Variants in HTR1F observed in about 807,000 individuals in gnomAD.
The protein encoded by HTR1F is 5-hydroxytryptamine (serotonin) receptor 1F, G protein-coupled.
Under a neutral mutation model 24.0 loss-of-function variants are expected in HTR1F, and 17 were observed. That is an observed-to-expected ratio of 0.71 (90% CI 0.48 to 1.06). The LOEUF (loss-of-function observed/expected upper bound fraction) is 1.06, where lower values mean the gene tolerates loss of function less well. Ranked by LOEUF, HTR1F falls within the 50% of genes least tolerant of loss-of-function variation. The pLI is 0.00. For missense variants in HTR1F, 391 were observed against 427.8 expected, an observed-to-expected ratio of 0.91 and a Z score of 0.76; for synonymous variants, 186 against 156.8, an observed-to-expected ratio of 1.19 and a Z score of -1.39.
At chr3:87,798,632 C>A (rs1166907915) in intron 1 of HTR1F, among the ~76,000 whole-genome samples, 2 of 151,978 alleles carry the variant, frequency 1.3e-5, no homozygotes. Flanking sequence ...GTCACCAGCT[C>A]CTCCACTCCC....
intron 2 of HTR1F, among the ~76,000 whole-genome samples, chr3:87,825,574 A>G (rs552072968): frequency 3.2e-4 from 49 of 152,150 alleles, no homozygotes; most frequent in Non-Finnish European, 6.2e-4. Flanking sequence ...ATTGGTCACT[A>G]TATCTTCTCA....
At chr3:87,798,339 C>T (rs1487601553) in intron 1 of HTR1F, among the ~76,000 whole-genome samples, 5 of 152,206 alleles carry the variant, frequency 3.3e-5, no homozygotes, top group Non-Finnish European at 5.9e-5. Context: ...GTCAAGCTGA[C>T]CACCCTCTCT....
chr3:87,864,762 G>A lies in HTR1F; in HGVS notation c.-43+42638G>A, dbSNP rs1324065076. 2.6e-5 allele frequency among the ~76,000 whole-genome samples: 4 copies of A among 152,072 alleles called. No individual in the cohort carries two copies. The East Asian group carries it at 5.8e-4, about 22-fold the overall frequency. Reference sequence around the variant, plus strand: ...AATACAAAAATTAGCTGGTTGCGGTGGTGAGCACCTGTAATCCCCGCTACT... The same window carrying A: ...AATACAAAAATTAGCTGGTTGCGGTAGTGAGCACCTGTAATCCCCGCTACT... On this transcript the variant is annotated intron_variant, in intron 2 of 2. Coordinates refer to ENST00000319595, the MANE Select transcript of HTR1F (RefSeq NM_001322209.2).
At chr3:87,950,963 T>C (rs1176107965) in intron 2 of HTR1F, among the ~76,000 whole-genome samples, 2 of 152,150 alleles carry the variant, frequency 1.3e-5, no homozygotes, top group Admixed American at 6.5e-5. Context: ...GCATCTCCTC[T>C]CCTTCTGTCC....
At position 87,878,918 on chromosome 3, in the gene HTR1F, G is replaced by C. The variant is rs181448603; in HGVS notation, c.-43+56794G>C. On this transcript the variant is annotated intron_variant, in intron 2 of 2. Coordinates refer to ENST00000319595, the MANE Select transcript of HTR1F (RefSeq NM_001322209.2). ...TGTTCTGAAACACAGTAGGAAGTCTGTTATTCTTTTCATCTTTCAGCAGAA... is the reference window on the plus strand; with the variant it reads ...TGTTCTGAAACACAGTAGGAAGTCTCTTATTCTTTTCATCTTTCAGCAGAA... Among the ~76,000 whole-genome samples, 104 of 152,166 alleles carry C rather than the reference G, an allele frequency of 6.8e-4. 1 individual carries two copies. The highest frequency in any genetic ancestry group is 2.5e-4 in the Non-Finnish European group (17 of 67,994).
chr3:87,815,897 C>A (rs2107110261), intron 1 of HTR1F, among the ~76,000 whole-genome samples: 1 of 152,154 alleles, frequency 6.6e-6, no homozygotes, highest in South Asian at 2.1e-4. Context: ...GGGGCTTTTG[C>A]CTTTTCTGGT....
intron 2 of HTR1F, among the ~76,000 whole-genome samples, chr3:87,901,471 C>T (rs376461786): frequency 1.1e-4 from 16 of 152,160 alleles, no homozygotes; most frequent in African/African-American, 3.9e-4. Context: ...GGACTTCGAG[C>T]CTCCAGGAGT....
intron 2 of HTR1F, among the ~76,000 whole-genome samples, chr3:87,841,293 T>C (rs1368349907): frequency 2.0e-5 from 3 of 151,856 alleles, no homozygotes; most frequent in Non-Finnish European, 4.4e-5. Flanking sequence ...ATTTAATAAA[T>C]AAAAAATAGA....
At chr3:87,890,962 C>T (rs1280463853) in intron 2 of HTR1F, among the ~76,000 whole-genome samples, 1 of 151,910 alleles carries the variant, frequency 6.6e-6, no homozygotes, top group Non-Finnish European at 1.5e-5. Flanking sequence ...CCACCTCAGC[C>T]TCCCAAGTAG....
chr3:87,863,117 C>A, intron 2 of HTR1F, among the ~76,000 whole-genome samples: 1 of 152,030 alleles, frequency 6.6e-6, no homozygotes, highest in Middle Eastern at 3.2e-3. Context: ...TGCCTGGCCA[C>A]ATACTTACTT....
chr3:87,979,118 A>G (rs1211764528), intron 2 of HTR1F, among the ~76,000 whole-genome samples: 1 of 8,928 alleles, frequency 1.1e-4, no homozygotes. Context: ...GGAGGAAGGA[A>G]GGGAGGGAGG....
intron 2 of HTR1F, among the ~76,000 whole-genome samples, chr3:87,857,865 G>T (rs1705229441): frequency 6.6e-6 from 1 of 152,076 alleles, no homozygotes; most frequent in African/African-American, 2.4e-5. Context: ...CTGGGGATTC[G>T]AGTATGGAAC....
chr3:87,880,176 G>A (rs1384498220), intron 2 of HTR1F, among the ~76,000 whole-genome samples: 1 of 152,112 alleles, frequency 6.6e-6, no homozygotes, highest in Non-Finnish European at 1.5e-5. Context: ...GCAGGATAAC[G>A]AGAATGATGG....
intron 2 of HTR1F, among the ~76,000 whole-genome samples, chr3:87,946,378 C>A (rs1253609816): frequency 2.0e-5 from 3 of 151,832 alleles, no homozygotes; most frequent in Admixed American, 6.6e-5. Context: ...AAGAGGGTAG[C>A]CTGAAAAATA....
At chr3:87,990,334 C>T (rs1331397678) in intron 2 of HTR1F, among the ~76,000 whole-genome samples, 3 of 152,152 alleles carry the variant, frequency 2.0e-5, no homozygotes, top group Non-Finnish European at 2.9e-5. Context: ...AGTACTGAAA[C>T]AGTTGTTACG....
chr3:87,914,656 C>A (rs950999886), intron 2 of HTR1F, among the ~76,000 whole-genome samples: 4 of 151,950 alleles, frequency 2.6e-5, no homozygotes, highest in African/African-American at 9.7e-5. Flanking sequence ...GACCCGGGAA[C>A]CTCACCCCCA....
At chr3:87,935,106 G>C (rs1704379652) in intron 2 of HTR1F, among the ~76,000 whole-genome samples, 1 of 152,190 alleles carries the variant, frequency 6.6e-6, no homozygotes, top group Non-Finnish European at 1.5e-5. Context: ...GGAATCAAGT[G>C]ATCCTCCTGA....
chr3:87,945,446 G>A (rs965366513), intron 2 of HTR1F, among the ~76,000 whole-genome samples: 14 of 152,178 alleles, frequency 9.2e-5, no homozygotes, highest in African/African-American at 1.4e-4. Flanking sequence ...CAAGAAAGTC[G>A]TGTTTGGGAC....
intron 2 of HTR1F, among the ~76,000 whole-genome samples, chr3:87,968,908 C>A (rs1305806652): frequency 3.9e-5 from 6 of 152,180 alleles, no homozygotes; most frequent in African/African-American, 7.2e-5. Flanking sequence ...GGACTTGGTA[C>A]TCGGCATCCC....
Sources: allele counts gnomAD v4.1 joint callset (sites outside exome capture counted in the v4.1 genomes callset), GRCh38; gene constraint gnomAD v4.1.1; transcripts MANE v1.5; gene names NCBI Gene and HGNC (gene_info 2026-07-23, HGNC 2026-07-21).